The following CEP85L variants were observed in gnomAD, a reference collection of about 807,000 sequenced individuals.
CEP85L encodes the protein centrosomal protein of 85 kDa-like.
A neutral mutation model predicts 100.3 loss-of-function variants in CEP85L; 60 were observed. The ratio of observed to expected loss-of-function variants is 0.60; its 90% CI spans 0.49 to 0.74. The LOEUF (loss-of-function observed/expected upper bound fraction) is 0.74. Among genes scored for constraint, CEP85L ranks in the 30% least tolerant of loss-of-function variants. The pLI is 0.00. For missense variants in CEP85L, 973 were observed against 936.2 expected (o/e 1.04, Z -0.51); for synonymous variants, 319 against 322.7 (o/e 0.99, Z 0.12).
chr6:118,482,778 A>G (rs1420755654), intron 7 of CEP85L, among the ~76,000 whole-genome samples: 1 of 152,214 alleles, frequency 6.6e-6, no homozygotes, highest in Non-Finnish European at 1.5e-5. Flanking sequence ...AACCTCCTGC[A>G]GTCCTTAATT....
At chr6:118,563,220 C>T (rs532762252) in intron 3 of CEP85L, among the ~76,000 whole-genome samples, 1 of 152,156 alleles carries the variant, frequency 6.6e-6, no homozygotes, top group African/African-American at 2.4e-5. Context: ...GTACTACACT[C>T]CTGCACTCTT....
At chr6:118,521,273 A>G (rs1344348743) in intron 4 of CEP85L, among the ~76,000 whole-genome samples, 3 of 152,198 alleles carry the variant, frequency 2.0e-5, no homozygotes, top group Admixed American at 6.5e-5. Context: ...TCAAAAACAG[A>G]AATGTTATAT....
intron 1 of CEP85L, among the ~76,000 whole-genome samples, chr6:118,645,569 G>T (rs546010035): frequency 6.6e-6 from 1 of 152,166 alleles, no homozygotes; most frequent in African/African-American, 2.4e-5. Flanking sequence ...GAGCCTGAGA[G>T]GCTGAAGTGA....
chr6:118,524,623 T>C (rs187593150), intron 3 of CEP85L, among the ~76,000 whole-genome samples: 4 of 152,372 alleles, frequency 2.6e-5, no homozygotes, highest in Admixed American at 1.3e-4. Context: ...ATAAAAGCAG[T>C]ATCTGTAGTA....
At position 118,511,361 on chromosome 6, in the gene CEP85L, C is replaced by A. The variant is rs1213805057; in HGVS notation, c.1194G>T (p.Arg398=). Residue 398 remains arginine (R), a synonymous_variant, in exon 5 of 13, where the codon CGG becomes CGT. Coordinates refer to ENST00000368491, the MANE Select transcript of CEP85L (RefSeq NM_001042475.3). ...AATGTCCTAACATGGCATGTTGAGC[C>A]CGTAATTCATTATCCCTTATCCTCT... is the stretch of plus-strand genomic sequence containing the variant. The part of the protein sequence containing the change: ...LHERIRDNEL[R]AQHAMLGHYV... 8 of 1,613,134 alleles carry A rather than the reference C, an allele frequency of 5.0e-6. No individual in the cohort carries two copies. In the South Asian group the frequency reaches 8.8e-5, roughly 18 times the overall value.
chr6:118,509,359 A>G (rs1202046017), intron 5 of CEP85L, among the ~76,000 whole-genome samples: 1 of 152,154 alleles, frequency 6.6e-6, no homozygotes, highest in African/African-American at 2.4e-5. Flanking sequence ...TACCAAAGCA[A>G]GATACACTAC....
At chr6:118,622,444 T>C (rs1048616896) in intron 2 of CEP85L, among the ~76,000 whole-genome samples, 1 of 152,198 alleles carries the variant, frequency 6.6e-6, no homozygotes, top group Non-Finnish European at 1.5e-5. Flanking sequence ...TAGAAGTTCC[T>C]TTAACTAACC....
At chr6:118,659,567 A>T (rs879886598) in intron 1 of CEP85L, among the ~76,000 whole-genome samples, 1 of 152,238 alleles carries the variant, frequency 6.6e-6, no homozygotes, top group Non-Finnish European at 1.5e-5. Context: ...AAAGGCATAC[A>T]ATTTCGGTAG....
chr6:118,686,364 T>C (rs1012096476), intron 1 of CEP85L, among the ~76,000 whole-genome samples: 7 of 152,192 alleles, frequency 4.6e-5, no homozygotes, highest in Non-Finnish European at 1.0e-4. Flanking sequence ...TCCTGCTTCA[T>C]TACACTTACT....
At chr6:118,508,087 A>G (rs995341810) in intron 5 of CEP85L, among the ~76,000 whole-genome samples, 6 of 152,184 alleles carry the variant, frequency 3.9e-5, no homozygotes, top group Non-Finnish European at 7.4e-5. Context: ...AGTTCCATAA[A>G]GGCAGAAACC....
At chr6:118,494,850 T>C (rs949479816) in intron 5 of CEP85L, among the ~76,000 whole-genome samples, 9 of 152,242 alleles carry the variant, frequency 5.9e-5, no homozygotes, top group Admixed American at 1.3e-4. Context: ...GAGTCAGATA[T>C]GGCAAGAATG....
At chr6:118,600,213 A>G (rs373803542) in intron 2 of CEP85L, among the ~76,000 whole-genome samples, 55 of 151,186 alleles carry the variant, frequency 3.6e-4, no homozygotes, top group African/African-American at 1.2e-3. Context: ...GCCTCCAAAG[A>G]ACAGAATATG....
At chr6:118,638,464 A>G (rs1774655075) in intron 1 of CEP85L, among the ~76,000 whole-genome samples, 1 of 151,808 alleles carries the variant, frequency 6.6e-6, no homozygotes, top group South Asian at 2.1e-4. Context: ...CAATACAGGA[A>G]GAAGTACATG....
chr6:118,662,767 G>A (rs912685045), intron 1 of CEP85L, among the ~76,000 whole-genome samples: 1 of 152,160 alleles, frequency 6.6e-6, no homozygotes, highest in East Asian at 1.9e-4. Flanking sequence ...GGACATGGGA[G>A]TGCAAAGGAA....
chr6:118,567,462 T>C (rs192306447), intron 2 of CEP85L, among the ~76,000 whole-genome samples: 236 of 152,026 alleles, frequency 1.6e-3, no homozygotes, highest in African/African-American at 5.4e-3. Context: ...GCAGACTAAA[T>C]GAAAGGCTGA....
upstream of CEP85L, among the ~76,000 whole-genome samples, chr6:118,653,296 G>A (rs1316995632): frequency 1.3e-5 from 2 of 152,058 alleles, no homozygotes; most frequent in African/African-American, 4.8e-5. Context: ...TTGCTCTTTT[G>A]GCACTTGGCA....
intron 2 of CEP85L, among the ~76,000 whole-genome samples, chr6:118,630,164 A>G (rs527830723): frequency 7.9e-5 from 12 of 152,330 alleles, no homozygotes; most frequent in Admixed American, 6.5e-4. Flanking sequence ...GGTATTTTAC[A>G]TATGAGTAAA....
At chr6:118,508,355 C>T (rs1022771204) in intron 5 of CEP85L, among the ~76,000 whole-genome samples, 10 of 152,028 alleles carry the variant, frequency 6.6e-5, no homozygotes, top group African/African-American at 2.4e-4. Flanking sequence ...TTCCAAGGTA[C>T]ACATATATAC....
At chr6:118,559,106 C>A (rs1293993006) in intron 3 of CEP85L, 1 of 1,570,566 alleles carries the variant, frequency 6.4e-7, no homozygotes. Context: ...TCTAGATCTG[C>A]AGCTTGCCAC....
Sources: gnomAD v4.1 joint callset for allele counts (sites outside exome capture counted in the v4.1 genomes callset) on GRCh38, gnomAD v4.1.1 for gene constraint, MANE v1.5 for transcripts, NCBI Gene and HGNC (gene_info 2026-07-23, HGNC 2026-07-21) for gene names.